MAP3K3: variants seen among roughly 807,000 people sequenced by gnomAD.
MAP3K3 encodes the protein mitogen-activated protein kinase kinase kinase 3.
A neutral mutation model predicts 80.9 loss-of-function variants in MAP3K3; 12 were observed. The ratio of observed to expected loss-of-function variants is 0.15; its 90% CI spans 0.10 to 0.24. The LOEUF is 0.24. MAP3K3 is among the 10% of genes least tolerant of loss of function. The probability of loss-of-function intolerance (pLI) is 1.00; values close to 1 mark genes in which losing one functional copy is unlikely to be tolerated. For synonymous variants in MAP3K3, 272 were observed against 307.1 expected (o/e 0.89, Z 1.19); for missense variants, 596 against 834.7 (o/e 0.71, Z 3.52).
Position 63,646,879 on chromosome 17 carries a change from G to A in MAP3K3, c.167+805G>A, listed in dbSNP as rs185795871. Among the ~76,000 whole-genome samples the A allele has an allele frequency of 5.4e-3, 819 of 152,266 alleles. 5 individuals are homozygous for A. Among genetic ancestry groups the A allele is most frequent in the African/African-American group, 0.018 (748 of 41,532 alleles). On this transcript the variant is annotated intron_variant, in intron 3 of 15. Coordinates refer to ENST00000361733, the MANE Select transcript of MAP3K3 (RefSeq NM_002401.5). ...GTGCGGCACATGTACACATAAATGT[G>A]CCTTTCGGTGTTTTTTCCACTCTTT...
Position 63,692,914 on chromosome 17 carries a change from A to G in MAP3K3, c.1652+495A>G, listed in dbSNP as rs1411126687. Among the ~76,000 whole-genome samples, 2 of 152,210 alleles carry G rather than the reference A, an allele frequency of 1.3e-5. No homozygotes were observed. The highest frequency in any genetic ancestry group is 4.8e-5 in the African/African-American group (2 of 41,440). ...TGGATCTGTAAATGTGATTGTATAT[A>G]GCAAAGGGCCTTTGCAGATAGGATT... On this transcript the variant is annotated intron_variant, in intron 15 of 15. Coordinates refer to ENST00000361733, the MANE Select transcript of MAP3K3 (RefSeq NM_002401.5). The surrounding 1 kb of genome is among the most constrained non-coding windows in gnomAD (Gnocchi z 4.5).
chr17:63,674,819 G>A (rs1449730815), intron 6 of MAP3K3, among the ~76,000 whole-genome samples: 1 of 152,142 alleles, frequency 6.6e-6, no homozygotes, highest in Non-Finnish European at 1.5e-5. Context: ...AAGGAAGAGA[G>A]GAGCCCTCTC....
At chr17:63,656,443 A>G (rs1172544262) in intron 4 of MAP3K3, among the ~76,000 whole-genome samples, 1 of 151,314 alleles carries the variant, frequency 6.6e-6, no homozygotes, top group Non-Finnish European at 1.5e-5. Context: ...TCTCTACTAA[A>G]AAAAAAAAAA....
chr17:63,652,476 A>T, intron 3 of MAP3K3, 81 bp from the exon 4 acceptor site: 1 of 884,174 alleles, frequency 1.1e-6, no homozygotes, highest in Non-Finnish European at 1.8e-6. Context: ...GAAGAAAGGA[A>T]GAATATACTC....
chr17:63,655,400 T>C (rs2034746810), intron 4 of MAP3K3, among the ~76,000 whole-genome samples: 1 of 152,208 alleles, frequency 6.6e-6, no homozygotes, highest in Non-Finnish European at 1.5e-5. Context: ...CAGTGAGGGC[T>C]GCAGTTTCTC....
chr17:63,670,475 CAG>C (rs2035082538), intron 6 of MAP3K3, among the ~76,000 whole-genome samples: 1 of 150,376 alleles, frequency 6.6e-6, no homozygotes, highest in Non-Finnish European at 1.5e-5. Flanking sequence ...CCCAGCTACT[CAG>C]GGGGCTGAGG....
chr17:63,649,275 A>G (rs142292448), intron 3 of MAP3K3, among the ~76,000 whole-genome samples: 5,219 of 152,010 alleles, frequency 0.034, 319 homozygotes, highest in African/African-American at 0.12. Flanking sequence ...TGTCTCTACT[A>G]AAAATATAAA....
intron 1 of MAP3K3, among the ~76,000 whole-genome samples, chr17:63,626,466 T>G (rs1417166501): frequency 6.6e-6 from 1 of 152,266 alleles, no homozygotes; most frequent in Non-Finnish European, 1.5e-5. Flanking sequence ...TGGTGATATA[T>G]ATTGATTCTT....
At chr17:63,627,039 A>G (rs1400855953) in intron 1 of MAP3K3, among the ~76,000 whole-genome samples, 1 of 152,218 alleles carries the variant, frequency 6.6e-6, no homozygotes, top group African/African-American at 2.4e-5. Context: ...AAGTGCCTTA[A>G]GACCCTGCTT....
At chr17:63,661,371 C>T (rs979045145) in intron 5 of MAP3K3, among the ~76,000 whole-genome samples, 2 of 152,162 alleles carry the variant, frequency 1.3e-5, no homozygotes, top group African/African-American at 4.8e-5. Context: ...AAAAGCCTCT[C>T]TCTAGCCTTG....
intron 8 of MAP3K3, 141 bp downstream of exon 8, chr17:63,685,731 C>G: frequency 1.5e-6 from 1 of 669,266 alleles, no homozygotes; most frequent in Non-Finnish European, 2.7e-6. Context: ...TTCCCCAACA[C>G]CACGAGAATG....
At chr17:63,650,292 T>A (rs1028714890) in intron 3 of MAP3K3, among the ~76,000 whole-genome samples, 6 of 152,186 alleles carry the variant, frequency 3.9e-5, no homozygotes, top group Admixed American at 6.5e-5. Context: ...TATTTTGCAA[T>A]CAGAAGTTTA....
Position 63,652,175 on chromosome 17 carries a change from A to C in MAP3K3, c.168-382A>C, listed in dbSNP as rs1415135911. Among the ~76,000 whole-genome samples, 3 of 151,268 alleles carry C rather than the reference A, an allele frequency of 2.0e-5. No homozygotes were observed. In the East Asian group the frequency reaches 5.8e-4, roughly 29 times the overall value. On this transcript the variant is annotated intron_variant, in intron 3 of 15. Coordinates refer to ENST00000361733, the MANE Select transcript of MAP3K3 (RefSeq NM_002401.5). ...GTATGCATTAGCTATTCTTCCTGAT[A>C]CTCTCTCTTCCCCAAGTCCCAACAG...
chr17:63,680,676 C>A (rs868057919), intron 6 of MAP3K3, among the ~76,000 whole-genome samples: 1 of 152,196 alleles, frequency 6.6e-6, no homozygotes, highest in African/African-American at 2.4e-5. Flanking sequence ...CTGCACACCT[C>A]TGTCATTCAC....
chr17:63,671,501 GC>G, intron 6 of MAP3K3, among the ~76,000 whole-genome samples: 1 of 152,108 alleles, frequency 6.6e-6, no homozygotes, highest in Admixed American at 6.5e-5. Context: ...TGATCCACCT[GC>G]CTCAGCCTCC....
intron 2 of MAP3K3, chr17:63,634,879 TC>T: frequency 7.9e-7 from 1 of 1,263,398 alleles, no homozygotes; most frequent in Non-Finnish European, 1.1e-6. Context: ...AGAATTCACT[TC>T]CCAGACAAGT....
intron 12 of MAP3K3, chr17:63,690,710 A>T: frequency 2.3e-6 from 1 of 439,554 alleles, no homozygotes; most frequent in Non-Finnish European, 4.1e-6. Context: ...CTAGACAAGT[A>T]TCTCTCCCCA....
chr17:63,642,614 C>T (rs1292708511), intron 2 of MAP3K3, among the ~76,000 whole-genome samples: 1 of 151,874 alleles, frequency 6.6e-6, no homozygotes, highest in Non-Finnish European at 1.5e-5. Context: ...GCCGAGATCG[C>T]GCCACTGCAC....
chr17:63,624,638 G>A (rs747808129), intron 1 of MAP3K3, among the ~76,000 whole-genome samples: 25 of 152,214 alleles, frequency 1.6e-4, no homozygotes, highest in Non-Finnish European at 2.9e-4. Flanking sequence ...CACATCAGTT[G>A]TCCTCCTGTC....
Sources: gnomAD v4.1 joint callset for allele counts (sites outside exome capture counted in the v4.1 genomes callset) on GRCh38, gnomAD v4.1.1 for gene constraint, Gnocchi (gnomAD v3.1) non-coding constraint, MANE v1.5 for transcripts, NCBI Gene and HGNC (gene_info 2026-07-23, HGNC 2026-07-21) for gene names.